Variants in KYAT3 observed in about 807,000 individuals in gnomAD.
The protein encoded by KYAT3 is kynurenine aminotransferase 3.
A neutral mutation model predicts 59.0 loss-of-function variants in KYAT3; 50 were observed. The observed-to-expected ratio is 0.85, with a 90% CI of 0.68 to 1.07. The LOEUF is 1.07. Ranked by LOEUF, KYAT3 falls within the 50% of genes least tolerant of loss-of-function variation. KYAT3 has a pLI of 0.00. For synonymous variants in KYAT3, 148 were observed against 177.0 expected, an observed-to-expected ratio of 0.84 and a Z score of 1.30; for missense variants, 497 against 533.3, an observed-to-expected ratio of 0.93 and a Z score of 0.67.
the KYAT3 span, among the ~76,000 whole-genome samples, chr1:88,925,162 C>A: frequency 5.9e-5 from 9 of 152,322 alleles, no homozygotes; most frequent in Admixed American, 2.6e-4. Context: ...CTGTCTGGAG[C>A]CAGCTTCCAC....
chr1:88,939,824 C>G (rs1447434746), intron 13 of KYAT3, among the ~76,000 whole-genome samples: 1 of 152,026 alleles, frequency 6.6e-6, no homozygotes, highest in Non-Finnish European at 1.5e-5. Flanking sequence ...CAATTTCCTA[C>G]CTGAACTCTG....
intron 2 of KYAT3, among the ~76,000 whole-genome samples, chr1:88,979,141 T>C (rs1002214567): frequency 6.6e-6 from 1 of 152,212 alleles, no homozygotes; most frequent in Non-Finnish European, 1.5e-5. Context: ...CATGTTACCA[T>C]GGGAAAGGCA....
At chr1:88,987,679 A>T (rs1212331202) in intron 2 of KYAT3, among the ~76,000 whole-genome samples, 1 of 152,232 alleles carries the variant, frequency 6.6e-6, no homozygotes, top group East Asian at 1.9e-4. Context: ...TTTAGAATAA[A>T]TCTTAGACCT....
Position 88,969,478 on chromosome 1 carries a change from T to A in KYAT3, c.100-11A>T. 6.6e-7 allele frequency: 1 copy of A among 1,523,556 alleles called. No homozygotes were observed. The highest frequency in any genetic ancestry group is 9.1e-7 in the Non-Finnish European group (1 of 1,100,794). 94.4% of individuals were successfully genotyped at this position (1,523,556 alleles called of 1,614,324 possible). A position where few individuals can be genotyped will look rare whatever the true frequency, so the allele number is the denominator to read the frequency against. ...TTTCAGTGACATTTTCTGAAATATA[T>A]AAATATTGAAAAGGAATTGCCTTAG... is the stretch of plus-strand genomic sequence containing the variant. On this transcript the variant is annotated splice_polypyrimidine_tract_variant and intron_variant, in intron 2 of 13. Coordinates refer to ENST00000260508, the MANE Select transcript of KYAT3 (RefSeq NM_001008661.3).
chr1:88,945,226 A>T (rs187225833), intron 11 of KYAT3, among the ~76,000 whole-genome samples: 1 of 152,314 alleles, frequency 6.6e-6, no homozygotes, highest in African/African-American at 2.4e-5. Flanking sequence ...AGTCAGAAGG[A>T]ATTTGGAATC....
At chr1:88,956,444 T>G (rs1329106253) in intron 8 of KYAT3, among the ~76,000 whole-genome samples, 1 of 152,222 alleles carries the variant, frequency 6.6e-6, no homozygotes, top group Admixed American at 6.5e-5. Flanking sequence ...ATACATCAAA[T>G]ATTCATTAGC....
At chr1:88,982,185 G>A (rs765954902) in intron 2 of KYAT3, 7 of 863,268 alleles carry the variant, frequency 8.1e-6, no homozygotes, top group Admixed American at 5.7e-5. Flanking sequence ...ACTGAGAACA[G>A]TGAGATTTCA....
At chr1:88,947,578 C>T (rs1361734506) in intron 11 of KYAT3, among the ~76,000 whole-genome samples, 1 of 152,182 alleles carries the variant, frequency 6.6e-6, no homozygotes, top group Admixed American at 6.5e-5. Context: ...AACATCAGGC[C>T]ATCTGCCAGG....
intron 2 of KYAT3, among the ~76,000 whole-genome samples, chr1:88,986,248 G>A (rs1330386265): frequency 1.3e-5 from 2 of 151,418 alleles, no homozygotes; most frequent in African/African-American, 2.4e-5. Flanking sequence ...ACAGACCTAA[G>A]GAAAAGGTTT....
In KYAT3 at chr1:88,985,264, A is replaced by G. The variant is rs145683957; in HGVS notation, c.99+2988T>C. 6.1e-3 allele frequency among the ~76,000 whole-genome samples: 932 copies of G among 152,330 alleles called. 8 individuals are homozygous for G. Among genetic ancestry groups the G allele is most frequent in the Non-Finnish European group, 8.7e-3 (593 of 68,034 alleles). On this transcript the variant is annotated intron_variant, in intron 2 of 13. Coordinates refer to ENST00000260508, the MANE Select transcript of KYAT3 (RefSeq NM_001008661.3). ...GTGAGTATTGTCCTCACCCATATCA[A>G]TAGGCCTGGGGCCCTTCTGCCTGCC...
At chr1:88,985,126 G>A (rs1230928063) in intron 2 of KYAT3, among the ~76,000 whole-genome samples, 1 of 152,204 alleles carries the variant, frequency 6.6e-6, no homozygotes, top group African/African-American at 2.4e-5. Context: ...TACATGGCTG[G>A]AATGCCAGAA....
At chr1:88,934,313 G>A (rs919529207), downstream of KYAT3, among the ~76,000 whole-genome samples, 4 of 152,094 alleles carry the variant, frequency 2.6e-5, no homozygotes, top group Non-Finnish European at 5.9e-5. Context: ...AATTAGCTAG[G>A]TGTGGTGGCG....
intron 8 of KYAT3, among the ~76,000 whole-genome samples, chr1:88,960,945 T>A (rs1247059014): frequency 6.6e-6 from 1 of 152,252 alleles, no homozygotes; most frequent in African/African-American, 2.4e-5. Context: ...TTTTCTGGTA[T>A]CATAGCTTTA....
chr1:88,927,959 G>A, the KYAT3 span, among the ~76,000 whole-genome samples: 2 of 152,184 alleles, frequency 1.3e-5, no homozygotes, highest in Non-Finnish European at 2.9e-5. Flanking sequence ...AGAGGAAAGA[G>A]AATGATTCCC....
intron 8 of KYAT3, among the ~76,000 whole-genome samples, chr1:88,957,255 A>C (rs2101038744): frequency 6.6e-6 from 1 of 152,368 alleles, no homozygotes; most frequent in Middle Eastern, 3.4e-3. Context: ...CACTTGAAGA[A>C]GGAATACTTT....
At chr1:88,944,949 T>A (rs1474928375) in intron 11 of KYAT3, among the ~76,000 whole-genome samples, 1 of 152,166 alleles carries the variant, frequency 6.6e-6, no homozygotes, top group Non-Finnish European at 1.5e-5. Context: ...GTTCAAGCAA[T>A]TATCCTGCCT....
At chr1:88,953,963 C>G (rs1675797975) in intron 9 of KYAT3, among the ~76,000 whole-genome samples, 1 of 150,812 alleles carries the variant, frequency 6.6e-6, no homozygotes, top group African/African-American at 2.5e-5. Context: ...AGTGCAATGG[C>G]CGGATCTCGG....
At chr1:88,978,243 AT>A (rs1289172868) in intron 2 of KYAT3, among the ~76,000 whole-genome samples, 1 of 152,126 alleles carries the variant, frequency 6.6e-6, no homozygotes. Context: ...AGAAACTGTT[AT>A]GTTCTTTCCT....
intron 1 of KYAT3, among the ~76,000 whole-genome samples, chr1:88,989,161 G>A (rs1219493747): frequency 1.3e-5 from 2 of 152,188 alleles, no homozygotes; most frequent in East Asian, 1.9e-4. Flanking sequence ...TGCTGTATCA[G>A]TGGATGGCAT....
Sources: gnomAD v4.1 joint callset for allele counts (sites outside exome capture counted in the v4.1 genomes callset) on GRCh38, gnomAD v4.1.1 for gene constraint, MANE v1.5 for transcripts, NCBI Gene and HGNC (gene_info 2026-07-23, HGNC 2026-07-21) for gene names.